The following GPR107 variants were observed in gnomAD, a reference collection of about 807,000 sequenced individuals.
GPR107 encodes G protein-coupled receptor 107, also known as protein GPR107.
A neutral mutation model predicts 75.5 loss-of-function variants in GPR107; 31 were observed. The ratio of observed to expected loss-of-function variants is 0.41; its 90% CI spans 0.31 to 0.55. The LOEUF (loss-of-function observed/expected upper bound fraction) is 0.55, where lower values mean the gene tolerates loss of function less well. GPR107 is among the 20% of genes least tolerant of loss of function. The pLI is 0.26. For synonymous variants in GPR107, 267 were observed against 251.3 expected, an observed-to-expected ratio of 1.06 and a Z score of -0.59; for missense variants, 572 against 665.7, an observed-to-expected ratio of 0.86 and a Z score of 1.55.
At chr9:130,109,346 T>G (rs747129007) in intron 14 of GPR107, among the ~76,000 whole-genome samples, 40 of 151,802 alleles carry the variant, frequency 2.6e-4, no homozygotes, top group Non-Finnish European at 4.4e-4. Context: ...AATTTTTGTG[T>G]TTTTAGTACA....
rs979343925 is a variant in GPR107 at position 130,139,738 on chromosome 9, G to A, written c.*4617G>A. On this transcript the variant is annotated 3_prime_UTR_variant, in exon 18 of 18. Transcript: ENST00000347136. The stretch of plus-strand genomic sequence containing the variant: ...CAGCTTATTTTGAGGCAAGGTTTTG[G>A]ATTTTGGAGGAAGCAGCCAGATGAG... 1 of 152,266 alleles carries A rather than the reference G, an allele frequency of 6.6e-6. No individual in the cohort carries two copies. The highest frequency in any genetic ancestry group is 1.5e-5 in the Non-Finnish European group (1 of 68,106). The allele number at this position is 152,266 out of a possible 1,614,324, so 9.4% of individuals were successfully genotyped here.
intron 14 of GPR107, chr9:130,110,280 A>G (rs1295630286): frequency 2.6e-6 from 2 of 766,112 alleles, no homozygotes; most frequent in Non-Finnish European, 2.3e-6. Flanking sequence ...GTTGTCCCCC[A>G]GCATCTGTAG....
At position 130,113,346 on chromosome 9, in the gene GPR107, C is replaced by T. The variant is rs375156345; in HGVS notation, c.1306+5807C>T. ...CTCCTGGGCTCAAGTGAGCCTCCCA[C>T]TGCAGCCTCCTGAGTAGGTGGGACT... On this transcript the variant is annotated intron_variant, in intron 14 of 17. Transcript: ENST00000347136. 2.1e-4 allele frequency among the ~76,000 whole-genome samples: 31 copies of T among 151,112 alleles called. No individual in the cohort carries two copies. The East Asian group carries it at 2.7e-3, about 13-fold the overall frequency.
chr9:130,066,022 C>T (rs1323079382), intron 1 of GPR107, among the ~76,000 whole-genome samples: 2 of 151,978 alleles, frequency 1.3e-5, no homozygotes, highest in Non-Finnish European at 2.9e-5. Flanking sequence ...AAAGGATTTT[C>T]CTGGCCGGGC....
chr9:130,087,805 C>CAAAAAAAAAAAAAAAAAAAAAAA (rs35984705), intron 7 of GPR107, among the ~76,000 whole-genome samples: 7 of 87,624 alleles, frequency 8.0e-5, no homozygotes, highest in Admixed American at 2.8e-4. Context: ...GACCCTGTCT[C>CAAAAAAAAAAAAAAAAAAAAAAA]AAAAAAAAAA....
At position 130,092,262 on chromosome 9, in the gene GPR107, G is replaced by A. The variant is rs779725164; in HGVS notation, c.744G>A (p.Glu248=). The A allele has an allele frequency of 6.2e-6, 10 of 1,611,006 alleles. No individual in the cohort carries two copies. The highest frequency in any genetic ancestry group is 1.7e-6 in the Non-Finnish European group (2 of 1,177,258). The change falls in exon 9 of 18, where the codon GAG becomes GAA. Residue 248 remains glutamate (E), a synonymous_variant. Transcript: ENST00000347136. ...FTFSLDIEIT[E]KNPDSYLSAG... is the part of the protein sequence containing the mutation. ...GCTGGTTTCAGATTGAGATCACAGA[G>A]AAGAATCCTGACAGCTACCTCTCAG... is the stretch of plus-strand genomic sequence containing the variant.
intron 9 of GPR107, among the ~76,000 whole-genome samples, chr9:130,092,765 G>A (rs1017090557): frequency 2.6e-5 from 4 of 151,956 alleles, no homozygotes; most frequent in African/African-American, 7.3e-5. Flanking sequence ...ACAGGCGCCC[G>A]CCACCACGCC....
At chr9:130,118,656 AC>A (rs1831481090) in intron 14 of GPR107, among the ~76,000 whole-genome samples, 2 of 150,592 alleles carry the variant, frequency 1.3e-5, no homozygotes, top group East Asian at 2.0e-4. Context: ...ACCCTCCCCA[AC>A]CCCCGTCTCC....
At chr9:130,086,500 C>T (rs1169852755) in intron 7 of GPR107, 24 bp downstream of exon 7, 1 of 1,360,774 alleles carries the variant, frequency 7.3e-7, no homozygotes, top group Non-Finnish European at 1.0e-6. Flanking sequence ...TTGTGTAAAG[C>T]CTCCTAGAAT....
chr9:130,114,731 GA>G, intron 14 of GPR107: 4 of 1,010,766 alleles, frequency 4.0e-6, no homozygotes, highest in Non-Finnish European at 4.8e-6. Flanking sequence ...CATACTAACC[GA>G]AAAACTTGGG....
chr9:130,124,716 C>T (rs1462810800), intron 14 of GPR107, among the ~76,000 whole-genome samples, 199 bp from the exon 15 acceptor site: 3 of 152,228 alleles, frequency 2.0e-5, no homozygotes, highest in Admixed American at 1.3e-4. Flanking sequence ...CTCACTGGGG[C>T]TGTGCTGCTC....
chr9:130,113,388 T>A (rs1831351918), intron 14 of GPR107, among the ~76,000 whole-genome samples: 1 of 151,754 alleles, frequency 6.6e-6, no homozygotes, highest in Admixed American at 6.6e-5. Context: ...CTTTCCACCA[T>A]GCCCGGCTAA....
chr9:130,073,913 G>A (rs1407248913), intron 1 of GPR107, among the ~76,000 whole-genome samples: 3 of 152,186 alleles, frequency 2.0e-5, no homozygotes, highest in Non-Finnish European at 4.4e-5. Flanking sequence ...GTGCCACAAT[G>A]CCCGGCTAAT....
At chr9:130,069,533 C>T (rs540197109) in intron 1 of GPR107, among the ~76,000 whole-genome samples, 26 of 152,278 alleles carry the variant, frequency 1.7e-4, no homozygotes, top group African/African-American at 6.0e-4. Flanking sequence ...CTCAAGATAT[C>T]TATGCCTCTA....
intron 1 of GPR107, among the ~76,000 whole-genome samples, chr9:130,065,918 G>A (rs749891891): frequency 6.6e-6 from 1 of 152,096 alleles, no homozygotes; most frequent in Non-Finnish European, 1.5e-5. Flanking sequence ...ATTGGCTGCA[G>A]CCTCACTTTA....
chr9:130,054,192 C>T, intron 1 of GPR107, 119 bp downstream of exon 1: 8 of 991,628 alleles, frequency 8.1e-6, no homozygotes, highest in Non-Finnish European at 1.1e-5. Flanking sequence ...CCCCTGGCTG[C>T]GGCCTTTCAC....
chr9:130,095,247 C>T (rs1273573638), intron 9 of GPR107, among the ~76,000 whole-genome samples: 2 of 152,132 alleles, frequency 1.3e-5, no homozygotes, highest in African/African-American at 4.8e-5. Context: ...TATGAGAGGG[C>T]TTTGCAAATC....
At chr9:130,087,336 T>A (rs531296737) in intron 7 of GPR107, among the ~76,000 whole-genome samples, 1 of 152,090 alleles carries the variant, frequency 6.6e-6, no homozygotes, top group Middle Eastern at 3.2e-3. Context: ...CCTTGCCTGG[T>A]CTCACTTACT....
chr9:130,055,472 G>C (rs1339953501), intron 1 of GPR107, among the ~76,000 whole-genome samples: 1 of 148,220 alleles, frequency 6.7e-6, no homozygotes, highest in Non-Finnish European at 1.5e-5. Flanking sequence ...AGCTTGCAGT[G>C]AGCCAAGATC....
Sources: allele counts gnomAD v4.1 joint callset (sites outside exome capture counted in the v4.1 genomes callset), GRCh38; gene constraint gnomAD v4.1.1; transcripts MANE v1.5; gene names NCBI Gene and HGNC (gene_info 2026-07-23, HGNC 2026-07-21).